Variants in CREBRF observed in about 807,000 individuals in gnomAD.
CREBRF encodes the protein CREB3 regulatory factor, also known as UPF0474 protein C5orf41.
Under a neutral mutation model 66.1 loss-of-function variants are expected in CREBRF, and 5 were observed. The observed-to-expected ratio is 0.08, with a 90% CI of 0.04 to 0.16. The LOEUF (loss-of-function observed/expected upper bound fraction) is 0.16, where lower values mean the gene tolerates loss of function less well. CREBRF is among the 10% of genes least tolerant of loss of function. The pLI, the probability that CREBRF is intolerant of heterozygous loss-of-function variation, is 1.00. For missense variants in CREBRF, 531 were observed against 744.9 expected (o/e 0.71, Z 3.34); for synonymous variants, 229 against 264.4 (o/e 0.87, Z 1.30).
intron 4 of CREBRF, among the ~76,000 whole-genome samples, chr5:173,092,743 G>T (rs142202109): frequency 3.3e-5 from 5 of 152,196 alleles, no homozygotes; most frequent in Middle Eastern, 3.4e-3. Context: ...CTTACTAAAA[G>T]AATTTTTCCT....
intron 4 of CREBRF, among the ~76,000 whole-genome samples, chr5:173,103,107 A>G (rs1025027705): frequency 7.2e-5 from 11 of 152,148 alleles, no homozygotes; most frequent in Admixed American, 3.9e-4. Context: ...GAGAAGCCTT[A>G]TTTATTAGCA....
At chr5:173,059,259 TTTTTTC>T (rs1490709434) in intron 1 of CREBRF, among the ~76,000 whole-genome samples, 10,457 of 96,562 alleles carry the variant, frequency 0.11, 591 homozygotes, top group South Asian at 0.17. Flanking sequence ...TCTTTTTCTT[TTTTTTC>T]TTTTTTTTTT....
chr5:173,087,512 A>G lies in CREBRF; in HGVS notation c.135+886A>G, dbSNP rs1279039184. On this transcript the variant is annotated intron_variant, in intron 3 of 8. Coordinates refer to ENST00000296953, the MANE Select transcript of CREBRF (RefSeq NM_153607.3). Reference sequence around the variant, plus strand: ...GGAGATTGAGACCATCCTGGCCAACATGGTGAAATTCCGTCTCTGCTAAAA... The same window carrying G: ...GGAGATTGAGACCATCCTGGCCAACGTGGTGAAATTCCGTCTCTGCTAAAA... Among the ~76,000 whole-genome samples, 5 of 149,110 alleles carry G rather than the reference A, an allele frequency of 3.4e-5. No homozygotes were observed. The East Asian group carries it at 1.0e-3, about 31-fold the overall frequency.
intron 2 of CREBRF, among the ~76,000 whole-genome samples, chr5:173,083,383 A>AG (rs916107733): frequency 2.6e-5 from 4 of 152,196 alleles, no homozygotes; most frequent in Admixed American, 6.5e-5. Context: ...AAGAAGATAG[A>AG]GAAAAAACAA....
At chr5:173,066,808 C>CTTTT (rs34093582) in intron 1 of CREBRF, among the ~76,000 whole-genome samples, 34 of 63,068 alleles carry the variant, frequency 5.4e-4, no homozygotes, top group East Asian at 9.0e-4. Flanking sequence ...TTCATTGAAT[C>CTTTT]TTTTTTTTTT....
At chr5:173,068,435 A>T (rs930260959) in intron 1 of CREBRF, among the ~76,000 whole-genome samples, 2 of 152,356 alleles carry the variant, frequency 1.3e-5, no homozygotes, top group East Asian at 3.9e-4. Flanking sequence ...ACTCTGTTTC[A>T]TATGGCTCAG....
At chr5:173,117,394 A>AAAG (rs1554126323) in intron 7 of CREBRF, among the ~76,000 whole-genome samples, 5 of 145,990 alleles carry the variant, frequency 3.4e-5, no homozygotes, top group African/African-American at 1.0e-4. Context: ...AAAAAAAAAA[A>AAAG]TAAGTAAGTA....
In CREBRF at chr5:173,136,193, G is replaced by T. The variant is rs528599410; in HGVS notation, c.*2448G>T. 6.6e-6 allele frequency: 1 copy of T among 151,596 alleles called. No homozygotes were observed. The highest frequency in any genetic ancestry group is 1.5e-5 in the Non-Finnish European group (1 of 67,704). 9.4% of individuals were successfully genotyped at this position (151,596 alleles called of 1,614,324 possible). A position where few individuals can be genotyped will look rare whatever the true frequency, so the allele number is the denominator to read the frequency against. ...GGTTTTTGATACTTTTTTCCTGTCTGCAAACCAGAATTTGATTTTTTGGTC... is the reference window on the plus strand; with the variant it reads ...GGTTTTTGATACTTTTTTCCTGTCTTCAAACCAGAATTTGATTTTTTGGTC... On this transcript the variant is annotated 3_prime_UTR_variant, in exon 9 of 9. Transcript: ENST00000296953.
intron 2 of CREBRF, chr5:173,085,907 T>A: frequency 1.1e-6 from 1 of 940,410 alleles, no homozygotes; most frequent in Non-Finnish European, 1.8e-6. Flanking sequence ...GAAAGGAGTC[T>A]TTGGGACAGT....
chr5:173,099,219 A>C (rs1160205203), intron 4 of CREBRF, among the ~76,000 whole-genome samples: 2 of 152,114 alleles, frequency 1.3e-5, no homozygotes, highest in Non-Finnish European at 2.9e-5. Flanking sequence ...GCAGTGGTGC[A>C]ATCACTGCTC....
At chr5:173,123,993 A>G (rs1438491356) in intron 8 of CREBRF, 2 of 152,068 alleles carry the variant, frequency 1.3e-5, no homozygotes, top group Non-Finnish European at 2.9e-5. Context: ...GTATTCTTTC[A>G]TAGCATTTCT....
At chr5:173,111,252 G>A (rs1478918997) in intron 6 of CREBRF, among the ~76,000 whole-genome samples, 3 of 151,928 alleles carry the variant, frequency 2.0e-5, no homozygotes, top group African/African-American at 4.8e-5. Flanking sequence ...TATACTGTAT[G>A]TATGTAGCCT....
intron 7 of CREBRF, among the ~76,000 whole-genome samples, chr5:173,116,629 C>CT (rs1385067065): frequency 5.9e-5 from 9 of 152,130 alleles, no homozygotes; most frequent in Admixed American, 5.2e-4. Context: ...ATCTCTTCAC[C>CT]TTTTGATGGA....
intron 3 of CREBRF, among the ~76,000 whole-genome samples, chr5:173,088,075 G>A (rs1239403252): frequency 2.0e-5 from 3 of 151,368 alleles, no homozygotes; most frequent in African/African-American, 4.8e-5. Flanking sequence ...CACCCACCTC[G>A]GAGTGCTGGG....
chr5:173,080,653 G>A lies in CREBRF; in HGVS notation c.-123G>A. On this transcript the variant is annotated 5_prime_UTR_variant, in exon 2 of 9. Transcript: ENST00000296953. The stretch of plus-strand genomic sequence containing the variant: ...GCAATTGAATTGGAAGCACTCTGGG[G>A]AAACCTGCTGTTTATTGTGGAAATC... 1 of 953,466 alleles carries A rather than the reference G, an allele frequency of 1.0e-6. No individual in the cohort carries two copies. Among genetic ancestry groups the A allele is most frequent in the Non-Finnish European group, 1.7e-6 (1 of 606,014 alleles). The allele number at this position is 953,466 out of a possible 1,614,324, so 59.1% of individuals were successfully genotyped here.
intron 1 of CREBRF, among the ~76,000 whole-genome samples, chr5:173,062,708 A>G (rs1413527632): frequency 6.7e-6 from 1 of 149,762 alleles, no homozygotes; most frequent in Non-Finnish European, 1.5e-5. Flanking sequence ...TCATCTACAT[A>G]GTAGGGTCTT....
At chr5:173,056,717 A>G (rs1051287232) in intron 1 of CREBRF, among the ~76,000 whole-genome samples, 3 of 151,778 alleles carry the variant, frequency 2.0e-5, no homozygotes, top group African/African-American at 7.3e-5. Context: ...ACGGTTACAT[A>G]AAAGCGCGGG....
At chr5:173,087,588 C>T (rs562029188) in intron 3 of CREBRF, among the ~76,000 whole-genome samples, 4 of 151,682 alleles carry the variant, frequency 2.6e-5, no homozygotes, top group South Asian at 4.2e-4. Context: ...CCTAGCTACT[C>T]GGGAGGCTGA....
intron 3 of CREBRF, among the ~76,000 whole-genome samples, chr5:173,087,622 G>T (rs1218206954): frequency 6.6e-6 from 1 of 151,306 alleles, no homozygotes; most frequent in Non-Finnish European, 1.5e-5. Flanking sequence ...CTTGAACCAG[G>T]GAGTCAGAGG....
Sources: gnomAD v4.1 joint callset for allele counts (sites outside exome capture counted in the v4.1 genomes callset) on GRCh38, gnomAD v4.1.1 for gene constraint, MANE v1.5 for transcripts, NCBI Gene and HGNC (gene_info 2026-07-23, HGNC 2026-07-21) for gene names.